Variants in TTC28 observed in about 807,000 individuals in gnomAD.
The protein encoded by TTC28 is tetratricopeptide repeat domain 28.
Under a neutral mutation model 198.0 loss-of-function variants are expected in TTC28, and 61 were observed. The observed-to-expected ratio is 0.31, with a 90% CI of 0.25 to 0.38. The LOEUF is 0.38. Ranked by LOEUF, TTC28 falls within the 10% of genes least tolerant of loss-of-function variation. The probability of loss-of-function intolerance (pLI) is 1.00; values close to 1 mark genes in which losing one functional copy is unlikely to be tolerated. For missense variants in TTC28, 2,678 were observed against 3,164.0 expected (o/e 0.85, Z 3.69); for synonymous variants, 1,171 against 1,297.8 (o/e 0.90, Z 2.10).
chr22:28,412,204 T>C (rs767976953), intron 2 of TTC28, among the ~76,000 whole-genome samples: 5 of 152,196 alleles, frequency 3.3e-5, no homozygotes, highest in Admixed American at 6.5e-5. Context: ...ATGGAGGCTG[T>C]GCCAGATGGC....
chr22:28,024,766 C>T (rs1601529216), intron 13 of TTC28, among the ~76,000 whole-genome samples: 1 of 152,248 alleles, frequency 6.6e-6, no homozygotes. Flanking sequence ...AGGACAGGGG[C>T]TCCTGCCCAA....
intron 19 of TTC28, 129 bp downstream of exon 19, chr22:27,992,458 T>A: frequency 1.0e-6 from 1 of 962,038 alleles, no homozygotes; most frequent in Non-Finnish European, 1.5e-6. Flanking sequence ...GGCCCTCACC[T>A]TCTCCTTTGA....
intron 2 of TTC28, among the ~76,000 whole-genome samples, chr22:28,616,201 G>A (rs2050902691): frequency 6.6e-6 from 1 of 151,968 alleles, no homozygotes; most frequent in Admixed American, 6.6e-5. Flanking sequence ...CATCAACCTG[G>A]GTTTAAGTCC....
At chr22:28,071,664 C>T (rs923883111) in intron 12 of TTC28, among the ~76,000 whole-genome samples, 1 of 134,680 alleles carries the variant, frequency 7.4e-6, no homozygotes, top group Admixed American at 8.4e-5. Context: ...AGCGCACCAG[C>T]ATGGCACATG....
At chr22:28,219,003 T>C (rs1469483928) in intron 5 of TTC28, among the ~76,000 whole-genome samples, 4 of 150,062 alleles carry the variant, frequency 2.7e-5, no homozygotes, top group Admixed American at 6.6e-5. Flanking sequence ...ATTATGAAAA[T>C]AGTTGTGACC....
chr22:28,164,077 G>C (rs1245588539), intron 5 of TTC28, among the ~76,000 whole-genome samples: 1 of 152,202 alleles, frequency 6.6e-6, no homozygotes, highest in Admixed American at 6.5e-5. Flanking sequence ...CAAACTGCAA[G>C]GCGGAAGCGA....
At chr22:28,222,887 C>T (rs900005196) in intron 5 of TTC28, among the ~76,000 whole-genome samples, 37 of 152,294 alleles carry the variant, frequency 2.4e-4, no homozygotes, top group African/African-American at 8.7e-4. Flanking sequence ...AAATTATGCA[C>T]ACATCTTTTC....
intron 2 of TTC28, among the ~76,000 whole-genome samples, chr22:28,508,996 G>A (rs1338457956): frequency 6.6e-6 from 1 of 151,982 alleles, no homozygotes; most frequent in Non-Finnish European, 1.5e-5. Context: ...TTCGAGACCA[G>A]CCTAGCCAAC....
chr22:28,272,854 C>A (rs1027325324), intron 5 of TTC28, among the ~76,000 whole-genome samples: 4 of 152,064 alleles, frequency 2.6e-5, no homozygotes, highest in Non-Finnish European at 5.9e-5. Flanking sequence ...AACGTGAACC[C>A]AAGTGTCTGA....
intron 5 of TTC28, among the ~76,000 whole-genome samples, chr22:28,227,430 C>T (rs1371197245): frequency 6.6e-6 from 1 of 152,070 alleles, no homozygotes; most frequent in African/African-American, 2.4e-5. Flanking sequence ...TATCGAAGGT[C>T]ACTACCAAAG....
intron 5 of TTC28, among the ~76,000 whole-genome samples, chr22:28,204,812 G>A (rs1926260503): frequency 6.6e-6 from 1 of 152,114 alleles, no homozygotes; most frequent in African/African-American, 2.4e-5. Flanking sequence ...AGACACTACA[G>A]GGAACACTAG....
intron 2 of TTC28, among the ~76,000 whole-genome samples, chr22:28,328,309 G>C (rs536422446): frequency 6.6e-6 from 1 of 151,988 alleles, no homozygotes; most frequent in African/African-American, 2.4e-5. Context: ...GGTCATGGTA[G>C]TGTGCACCTG....
chr22:28,371,488 C>T, intron 2 of TTC28, among the ~76,000 whole-genome samples: 1 of 50,190 alleles, frequency 2.0e-5, no homozygotes, highest in East Asian at 4.5e-4. Context: ...CCAGCCTGGG[C>T]AACAGAGTGA....
At chr22:28,648,908 C>CA (rs905245901) in intron 1 of TTC28, among the ~76,000 whole-genome samples, 5 of 139,032 alleles carry the variant, frequency 3.6e-5, no homozygotes, top group Admixed American at 7.4e-5. Flanking sequence ...AACCTTGTCT[C>CA]AAAAAAAAGA....
At chr22:28,671,205 A>G (rs1392337356) in intron 1 of TTC28, among the ~76,000 whole-genome samples, 2 of 151,612 alleles carry the variant, frequency 1.3e-5, no homozygotes, top group African/African-American at 2.4e-5. Flanking sequence ...TTGGCCTCCC[A>G]AAGTGCTAGG....
chr22:28,516,432 A>G (rs370871553), intron 2 of TTC28, among the ~76,000 whole-genome samples: 1 of 152,264 alleles, frequency 6.6e-6, no homozygotes. Flanking sequence ...TATTAAGAAT[A>G]CTCATCATTG....
chr22:28,441,887 TAA>T (rs979638590), intron 2 of TTC28, among the ~76,000 whole-genome samples: 99 of 119,094 alleles, frequency 8.3e-4, no homozygotes, highest in Non-Finnish European at 1.1e-3. Flanking sequence ...ATTTGAAGTT[TAA>T]AAAAAAAAAA....
chr22:28,410,025 G>C lies in TTC28; in HGVS notation c.382-103382C>G, dbSNP rs545230770. The stretch of plus-strand genomic sequence containing the variant: ...CAATCTCCACCTCCTGGGTTCAAGC[G>C]ATTCTCCTGCCTCAGCCTGCTGAGT... On this transcript the variant is annotated intron_variant, in intron 2 of 22. Transcript: ENST00000397906. Among the ~76,000 whole-genome samples, 112 of 151,842 alleles carry C rather than the reference G, an allele frequency of 7.4e-4. No individual in the cohort carries two copies. The South Asian group carries it at 9.8e-3, about 13-fold the overall frequency.
At chr22:28,440,640 A>G (rs2047605825) in intron 2 of TTC28, among the ~76,000 whole-genome samples, 1 of 152,132 alleles carries the variant, frequency 6.6e-6, no homozygotes, top group South Asian at 2.1e-4. Flanking sequence ...AATCACATCA[A>G]TGCAGTATCA....
Sources: allele counts gnomAD v4.1 joint callset (sites outside exome capture counted in the v4.1 genomes callset), GRCh38; gene constraint gnomAD v4.1.1; transcripts MANE v1.5; gene names NCBI Gene and HGNC (gene_info 2026-07-23, HGNC 2026-07-21).